SVIL: variants seen among roughly 807,000 people sequenced by gnomAD.
The protein encoded by SVIL is archvillin.
In SVIL, 101 loss-of-function variants were observed where a neutral mutation model predicts 240.4. The observed-to-expected ratio is 0.42, with a 90% CI of 0.36 to 0.50. The LOEUF is 0.50. SVIL is among the 20% of genes least tolerant of loss of function. The probability of loss-of-function intolerance (pLI) is 0.01; values close to 1 mark genes in which losing one functional copy is unlikely to be tolerated. For synonymous variants in SVIL, 999 were observed against 1,100.0 expected (o/e 0.91, Z 1.82); for missense variants, 2,512 against 2,818.7 (o/e 0.89, Z 2.46).
At position 29,532,518 on chromosome 10, in the gene SVIL, G is replaced by T; in HGVS notation, c.1838+11C>A. 1 of 1,595,676 alleles carries T rather than the reference G, an allele frequency of 6.3e-7. No individual in the cohort carries two copies. The highest frequency in any genetic ancestry group is 8.6e-7 in the Non-Finnish European group (1 of 1,167,428). On this transcript the variant is annotated intron_variant, in intron 8 of 37. Coordinates refer to ENST00000355867, the MANE Select transcript of SVIL (RefSeq NM_021738.3). ...GTGACACAGCTGGAGGGCGTGTGAA[G>T]CATCACCTACAGTTCAGGTCTCCTG... is the stretch of plus-strand genomic sequence containing the variant.
intron 3 of SVIL, among the ~76,000 whole-genome samples, chr10:29,559,390 T>C (rs1340792406): frequency 2.0e-5 from 3 of 152,188 alleles, no homozygotes; most frequent in Non-Finnish European, 4.4e-5. Context: ...TCTGAACCAT[T>C]TGAGTCAATT....
chr10:29,647,971 CAAA>C (rs3030628), intron 3 of SVIL, among the ~76,000 whole-genome samples: 88 of 96,330 alleles, frequency 9.1e-4, no homozygotes, highest in African/African-American at 3.1e-3. Flanking sequence ...TTGTCAATAT[CAAA>C]AAAAAAAAAA....
chr10:29,554,080 C>T (rs1442983651), intron 5 of SVIL, among the ~76,000 whole-genome samples: 1 of 152,162 alleles, frequency 6.6e-6, no homozygotes, highest in African/African-American at 2.4e-5. Flanking sequence ...TCATTTCATA[C>T]TGCTGTGACA....
At chr10:29,720,276 T>C (rs1237704161) in intron 1 of SVIL, among the ~76,000 whole-genome samples, 1 of 152,190 alleles carries the variant, frequency 6.6e-6, no homozygotes, top group African/African-American at 2.4e-5. Context: ...GTAAGAATGA[T>C]AGCAGATTTT....
At chr10:29,705,846 C>T (rs553819059) in intron 1 of SVIL, among the ~76,000 whole-genome samples, 33 of 152,318 alleles carry the variant, frequency 2.2e-4, no homozygotes, top group African/African-American at 7.2e-4. Flanking sequence ...CATAGTATTC[C>T]ATGGTGTATA....
At chr10:29,679,717 C>T (rs567116161) in intron 2 of SVIL, among the ~76,000 whole-genome samples, 4 of 151,520 alleles carry the variant, frequency 2.6e-5, no homozygotes, top group Admixed American at 6.6e-5. Context: ...CACCATGCCC[C>T]GCCAAGCCAG....
intron 34 of SVIL, among the ~76,000 whole-genome samples, chr10:29,464,814 G>C (rs1944700854): frequency 8.4e-6 from 1 of 118,362 alleles, no homozygotes; most frequent in Admixed American, 1.2e-4. Flanking sequence ...AATGTGAGAA[G>C]CAACAAACAC....
chr10:29,679,091 G>A (rs1187360993), intron 2 of SVIL, among the ~76,000 whole-genome samples: 2 of 152,200 alleles, frequency 1.3e-5, no homozygotes, highest in Non-Finnish European at 1.5e-5. Flanking sequence ...TGTAATCCCA[G>A]CTACTTGGGT....
chr10:29,516,457 G>A (rs1348036186), intron 16 of SVIL, among the ~76,000 whole-genome samples: 2 of 152,188 alleles, frequency 1.3e-5, no homozygotes, highest in Non-Finnish European at 2.9e-5. Flanking sequence ...GCTGAGGAGG[G>A]AGGGAGATCT....
At chr10:29,582,561 AC>A (rs1955991108) in intron 1 of SVIL, among the ~76,000 whole-genome samples, 1 of 151,906 alleles carries the variant, frequency 6.6e-6, no homozygotes, top group South Asian at 2.1e-4. Context: ...ACATAGTGAG[AC>A]CCCCATCTTT....
chr10:29,490,435 GAAAAAAACTCAAC>G (rs1947834860), intron 22 of SVIL, among the ~76,000 whole-genome samples: 1 of 151,970 alleles, frequency 6.6e-6, no homozygotes, highest in African/African-American at 2.4e-5. Context: ...CTAACTTCCA[GAAAAAAACTCAAC>G]AAAACAGGGT....
At chr10:29,660,286 G>A (rs1959119086) in intron 2 of SVIL, among the ~76,000 whole-genome samples, 1 of 152,044 alleles carries the variant, frequency 6.6e-6, no homozygotes, top group Non-Finnish European at 1.5e-5. Flanking sequence ...TCCAGCTCGG[G>A]CAACAAAGCA....
At position 29,462,388 on chromosome 10, in the gene SVIL, C is replaced by A; in HGVS notation, c.6291G>T (p.Lys2097Asn). Residue 2097 changes from lysine to asparagine, a missense_variant, in exon 36 of 38, where the codon AAG becomes AAT. By Grantham distance (94) the Lys-to-Asn change is moderately conservative. Transcript: ENST00000355867. ...VLQYCKGKNL[K>N]KPAPKSYLIH... ...TAAGGTAAGACTTGGGGGCTGGTTT[C>A]TTGAGATTTTTTCCTGTAGTTACAC... 6.2e-7 allele frequency: 1 copy of A among 1,614,092 alleles called. No individual in the cohort carries two copies. Among genetic ancestry groups the A allele is most frequent in the Non-Finnish European group, 8.5e-7 (1 of 1,180,012 alleles).
intron 1 of SVIL, among the ~76,000 whole-genome samples, chr10:29,590,904 T>C (rs1190498668): frequency 6.6e-6 from 1 of 152,182 alleles, no homozygotes; most frequent in East Asian, 1.9e-4. Context: ...CAAAGCCAAT[T>C]TTACAAAACA....
intron 33 of SVIL, among the ~76,000 whole-genome samples, chr10:29,466,411 A>G (rs1944932058): frequency 6.6e-6 from 1 of 152,204 alleles, no homozygotes; most frequent in South Asian, 2.1e-4. Flanking sequence ...TGTGCTGAGA[A>G]ATGAACGCTT....
Position 29,500,194 on chromosome 10 carries a change from G to T in SVIL, c.3517-931C>A, listed in dbSNP as rs145051400. Among the ~76,000 whole-genome samples the T allele has an allele frequency of 9.2e-3, 1,394 of 152,142 alleles. 25 individuals are homozygous for T. The highest frequency in any genetic ancestry group is 0.032 in the African/African-American group (1,342 of 41,506). On this transcript the variant is annotated intron_variant, in intron 17 of 37. Transcript: ENST00000355867. ...CTCATGCCACTGAGTGATGTGTATT[G>T]GGGAGAAGAGTGTAGGTGGTGGTCG...
chr10:29,623,201 G>C (rs928442105), intron 1 of SVIL, among the ~76,000 whole-genome samples: 23 of 152,198 alleles, frequency 1.5e-4, no homozygotes, highest in African/African-American at 5.5e-4. Context: ...ATGCATGGCA[G>C]TTTTTCAGTT....
At chr10:29,530,386 G>T (rs1341884416) in intron 11 of SVIL, among the ~76,000 whole-genome samples, 1 of 152,134 alleles carries the variant, frequency 6.6e-6, no homozygotes, top group African/African-American at 2.4e-5. Context: ...AGGCAGGAGG[G>T]CCTTAGCATG....
intron 3 of SVIL, among the ~76,000 whole-genome samples, chr10:29,557,696 T>C (rs1381476725): frequency 6.6e-6 from 1 of 152,236 alleles, no homozygotes; most frequent in Admixed American, 6.5e-5. Context: ...AAAGATCTAG[T>C]TGGGAGACTG....
Sources: allele counts gnomAD v4.1 joint callset (sites outside exome capture counted in the v4.1 genomes callset), GRCh38; gene constraint gnomAD v4.1.1; transcripts MANE v1.5; gene names NCBI Gene and HGNC (gene_info 2026-07-23, HGNC 2026-07-21).